Variants in SSR1 observed in about 807,000 individuals in gnomAD.
SSR1 encodes signal sequence receptor subunit 1.
A neutral mutation model predicts 36.1 loss-of-function variants in SSR1; 13 were observed. The ratio of observed to expected loss-of-function variants is 0.36; its 90% CI spans 0.23 to 0.57. SSR1 has a LOEUF of 0.57. Ranked by LOEUF, SSR1 falls within the 20% of genes least tolerant of loss-of-function variation. The pLI is 0.81. For synonymous variants in SSR1, 113 were observed against 118.9 expected (o/e 0.95, Z 0.32); for missense variants, 291 against 338.5 (o/e 0.86, Z 1.10).
Position 7,310,215 on chromosome 6 carries a change from T to C in SSR1, c.80-186A>G, listed in dbSNP as rs1052192983. ...TTAGTTTACTAGTAGTCTTAACAAC[T>C]GCATATCAATTTTTTTTTTTTTTTT... On this transcript the variant is annotated intron_variant, in intron 1 of 7. Transcript: ENST00000244763. Among the ~76,000 whole-genome samples the C allele has an allele frequency of 2.7e-5, 4 of 148,730 alleles. No homozygotes were observed. In the Admixed American group the frequency reaches 2.7e-4, roughly 10 times the overall value.
intron 5 of SSR1, 102 bp from the exon 6 acceptor site, chr6:7,298,103 C>T (rs1470952868): frequency 1.2e-6 from 1 of 864,186 alleles, no homozygotes; most frequent in Non-Finnish European, 1.7e-6. Flanking sequence ...TTCCAAATAA[C>T]TTGTGGCGAA....
At position 7,285,286 on chromosome 6, in the gene SSR1, C is replaced by T. The variant is rs895773410; in HGVS notation, c.*4578G>A. 1 of 152,186 alleles carries T rather than the reference C, an allele frequency of 6.6e-6. No individual in the cohort carries two copies. 9.4% of individuals were successfully genotyped at this position (152,186 alleles called of 1,614,324 possible). A position where few individuals can be genotyped will look rare whatever the true frequency, so the allele number is the denominator to read the frequency against. On this transcript the variant is annotated 3_prime_UTR_variant, in exon 8 of 8. Transcript: ENST00000244763. The surrounding 1 kb of genome is among the most constrained non-coding windows in gnomAD (Gnocchi z 4.1). ...TTGACTGCAATTTGGAGACTTTAAA[C>T]AAGGATTATCCTTTCTACAGGCATA...
intron 2 of SSR1, among the ~76,000 whole-genome samples, chr6:7,304,774 T>C (rs1758019530): frequency 6.6e-6 from 1 of 152,228 alleles, no homozygotes; most frequent in African/African-American, 2.4e-5. Flanking sequence ...AGACTCTTAA[T>C]AAATTGAGAT....
In SSR1 at chr6:7,310,953, T is replaced by G. The variant is rs551902060; in HGVS notation, c.80-924A>C. Among the ~76,000 whole-genome samples the G allele has an allele frequency of 3.9e-5, 6 of 152,304 alleles. No homozygotes were observed. The South Asian group carries it at 1.2e-3, about 32-fold the overall frequency. On this transcript the variant is annotated intron_variant, in intron 1 of 7. Coordinates refer to ENST00000244763, the MANE Select transcript of SSR1 (RefSeq NM_003144.5). ...AAAATAAAGCATTCTTAAGTTCTAA[T>G]GTTCTATGTAGGAAACACTGTTATC...
intron 7 of SSR1, among the ~76,000 whole-genome samples, chr6:7,290,672 G>A (rs9406016): frequency 3.3e-5 from 5 of 151,640 alleles, no homozygotes; most frequent in Middle Eastern, 6.9e-3. Flanking sequence ...CATTGATTTC[G>A]TATTGTTTTT....
chr6:7,293,671 C>T (rs556624485), intron 7 of SSR1, among the ~76,000 whole-genome samples: 6 of 152,268 alleles, frequency 3.9e-5, no homozygotes, highest in Middle Eastern at 6.8e-3. Flanking sequence ...GCCTCAGCCT[C>T]CCAAAGTGCT....
chr6:7,302,180 A>C (rs758603283), intron 3 of SSR1, among the ~76,000 whole-genome samples: 1 of 152,252 alleles, frequency 6.6e-6, no homozygotes, highest in Non-Finnish European at 1.5e-5. Flanking sequence ...AGAAAATGTA[A>C]GAAGACCAAG....
Position 7,287,492 on chromosome 6 carries a change from G to A in SSR1, c.*2372C>T, listed in dbSNP as rs916030491. 2 of 152,178 alleles carry A rather than the reference G, an allele frequency of 1.3e-5. No individual in the cohort carries two copies. Among genetic ancestry groups the A allele is most frequent in the Admixed American group, 6.5e-5 (1 of 15,272 alleles). 9.4% of individuals were successfully genotyped at this position (152,178 alleles called of 1,614,324 possible). A position where few individuals can be genotyped will look rare whatever the true frequency, so the allele number is the denominator to read the frequency against. On this transcript the variant is annotated 3_prime_UTR_variant, in exon 8 of 8. Coordinates refer to ENST00000244763, the MANE Select transcript of SSR1 (RefSeq NM_003144.5). Reference sequence around the variant, plus strand: ...TTTCCTTTTCCTCTCCTGGGACAATGCTTTAGAGGGCAGATTAGCCCTGAA... The same window carrying A: ...TTTCCTTTTCCTCTCCTGGGACAATACTTTAGAGGGCAGATTAGCCCTGAA...
rs750959966 is a variant in SSR1, at chr6:7,285,167, G to C, written c.*4697C>G. On this transcript the variant is annotated 3_prime_UTR_variant, in exon 8 of 8. Coordinates refer to ENST00000244763, the MANE Select transcript of SSR1 (RefSeq NM_003144.5). This position sits in a 1 kb window ranked among gnomAD's most constrained non-coding sequence, Gnocchi z 4.1. ...AGATACAGAGCTCACAGTCCAGAAG[G>C]AGATGTCAACAAGATGACAGGCTGC... 4.9e-4 allele frequency: 74 copies of C among 152,180 alleles called. No individual in the cohort carries two copies. The highest frequency in any genetic ancestry group is 1.7e-3 in the African/African-American group (72 of 41,418). The allele number at this position is 152,180 out of a possible 1,614,324, so 9.4% of individuals were successfully genotyped here.
chr6:7,309,227 T>C (rs1453473710), intron 2 of SSR1, among the ~76,000 whole-genome samples: 2 of 152,178 alleles, frequency 1.3e-5, no homozygotes, highest in Non-Finnish European at 2.9e-5. Flanking sequence ...GTCCGAGGCA[T>C]GAGGATCATC....
At chr6:7,307,550 A>T (rs1256591226) in intron 2 of SSR1, among the ~76,000 whole-genome samples, 1 of 151,864 alleles carries the variant, frequency 6.6e-6, no homozygotes, top group Non-Finnish European at 1.5e-5. Context: ...TATTTATTTA[A>T]TTTTTTTTAG....
intron 4 of SSR1, among the ~76,000 whole-genome samples, chr6:7,300,394 TA>T (rs755690514): frequency 2.1e-4 from 32 of 152,222 alleles, no homozygotes; most frequent in Non-Finnish European, 3.7e-4. Context: ...ATGACTGATA[TA>T]TAGTATACAT....
chr6:7,291,391 C>A (rs1414066402), intron 7 of SSR1, among the ~76,000 whole-genome samples: 1 of 152,060 alleles, frequency 6.6e-6, no homozygotes, highest in Admixed American at 6.5e-5. Flanking sequence ...GAGCAAGACT[C>A]CGTGTCTCAG....
At chr6:7,290,258 G>A (rs895849934) in intron 7 of SSR1, among the ~76,000 whole-genome samples, 23 of 152,288 alleles carry the variant, frequency 1.5e-4, no homozygotes, top group African/African-American at 4.1e-4. Flanking sequence ...ATAAGTAAAC[G>A]CTTAAAAACT....
intron 2 of SSR1, among the ~76,000 whole-genome samples, chr6:7,306,796 A>G (rs113378344): frequency 0.015 from 2,236 of 151,580 alleles, 28 homozygotes; most frequent in Non-Finnish European, 0.021. Context: ...GGCGCCTATA[A>G]TCCCAGCTAC....
intron 6 of SSR1, among the ~76,000 whole-genome samples, chr6:7,295,742 C>A (rs549879143): frequency 1.4e-4 from 22 of 152,276 alleles, no homozygotes; most frequent in Admixed American, 1.0e-3. Context: ...ATATTCTCTT[C>A]TAGTCTTCCT....
chr6:7,294,738 ATTGAC>A (rs1227609377), intron 7 of SSR1, among the ~76,000 whole-genome samples: 1 of 152,108 alleles, frequency 6.6e-6, no homozygotes, highest in African/African-American at 2.4e-5. Flanking sequence ...GAAGTCAGGA[ATTGAC>A]TTATTTTTTT....
intron 2 of SSR1, among the ~76,000 whole-genome samples, chr6:7,306,686 G>A (rs1758062909): frequency 1.3e-5 from 2 of 151,316 alleles, no homozygotes; most frequent in Admixed American, 6.6e-5. Flanking sequence ...GGAGGCCGAG[G>A]CGGGCGGATC....
In SSR1 at chr6:7,288,360, G is replaced by C. The variant is rs1342951827; in HGVS notation, c.*1504C>G. 6.6e-6 allele frequency: 1 copy of C among 152,132 alleles called. No homozygotes were observed. Among genetic ancestry groups the C allele is most frequent in the African/African-American group, 2.4e-5 (1 of 41,434 alleles). 9.4% of individuals were successfully genotyped at this position (152,132 alleles called of 1,614,324 possible). A position where few individuals can be genotyped will look rare whatever the true frequency, so the allele number is the denominator to read the frequency against. On this transcript the variant is annotated 3_prime_UTR_variant, in exon 8 of 8. Transcript: ENST00000244763. ...TTACAGATATAGAGTTTATAATCCA[G>C]CAATGCCAATATAGGTAATTTGATA...
Sources: allele counts gnomAD v4.1 joint callset (sites outside exome capture counted in the v4.1 genomes callset), GRCh38; gene constraint gnomAD v4.1.1; non-coding constraint Gnocchi (gnomAD v3.1); transcripts MANE v1.5; gene names NCBI Gene and HGNC (gene_info 2026-07-23, HGNC 2026-07-21).